Variants in CDC73 observed in about 807,000 individuals in gnomAD.
The protein encoded by CDC73 is cell division cycle 73.
Under a neutral mutation model 83.7 loss-of-function variants are expected in CDC73, and 21 were observed. The observed-to-expected ratio is 0.25, with a 90% CI of 0.18 to 0.36. The LOEUF is 0.36. Among genes scored for constraint, CDC73 ranks in the 10% least tolerant of loss-of-function variants. CDC73 has a pLI of 1.00. For missense variants in CDC73, 342 were observed against 653.3 expected (o/e 0.52, Z 5.19); for synonymous variants, 224 against 212.9 (o/e 1.05, Z -0.45).
chr1:193,217,842 A>G lies in CDC73; in HGVS notation c.1154+5365A>G, dbSNP rs569485824. ...CCCAGCACTTGCCTTCCCCCATTCC[A>G]TATCATTTAAAGGGACCATGCTCTT... On this transcript the variant is annotated intron_variant, in intron 13 of 16. Coordinates refer to ENST00000367435, the MANE Select transcript of CDC73 (RefSeq NM_024529.5). Among the ~76,000 whole-genome samples the G allele has an allele frequency of 9.2e-5, 14 of 152,182 alleles. 1 individual carries two copies. The highest frequency in any genetic ancestry group is 2.9e-4 in the African/African-American group (12 of 41,522).
chr1:193,175,373 G>A (rs6682435), intron 10 of CDC73, among the ~76,000 whole-genome samples: 3,224 of 152,246 alleles, frequency 0.021, 112 homozygotes, highest in African/African-American at 0.074. Context: ...TGGGTTAAAT[G>A]GATATGGGCA....
intron 11 of CDC73, among the ~76,000 whole-genome samples, chr1:193,207,132 T>C (rs1677201033): frequency 6.6e-6 from 1 of 152,158 alleles, no homozygotes; most frequent in Non-Finnish European, 1.5e-5. Flanking sequence ...CACATATTGG[T>C]AGGTCTGTGA....
chr1:193,198,643 G>C (rs1275259644), intron 10 of CDC73, among the ~76,000 whole-genome samples: 1 of 152,214 alleles, frequency 6.6e-6, no homozygotes, highest in Admixed American at 6.5e-5. Context: ...AAGGTATCCA[G>C]AAAATGCCAA....
chr1:193,180,528 C>G, intron 10 of CDC73: 1 of 1,613,992 alleles, frequency 6.2e-7, no homozygotes, highest in South Asian at 1.1e-5. Flanking sequence ...CAAGACAGAT[C>G]CCTACATATA....
chr1:193,232,798 G>A (rs1454714134), intron 13 of CDC73, among the ~76,000 whole-genome samples, 195 bp from the exon 14 acceptor site: 3 of 152,014 alleles, frequency 2.0e-5, no homozygotes, highest in African/African-American at 7.3e-5. Flanking sequence ...AGCAACTTGG[G>A]AGGCTGAGGC....
intron 2 of CDC73, among the ~76,000 whole-genome samples, chr1:193,129,379 G>A (rs1675649259): frequency 1.3e-5 from 2 of 151,310 alleles, no homozygotes; most frequent in East Asian, 2.0e-4. Flanking sequence ...GGATGCGCCC[G>A]CCTTGGCCTC....
In CDC73 at chr1:193,205,068, TTTTATA is replaced by T. The variant is rs1303678289; in HGVS notation, c.1030+1217_1030+1222del. On this transcript the variant is annotated intron_variant, in intron 11 of 16. Transcript: ENST00000367435. ...ATTCCTAGTAACTAAAAAGACTGATTTTTATAGATCATTTAGATACCAACCCTGTAT... is the reference window on the plus strand; with the variant it reads ...ATTCCTAGTAACTAAAAAGACTGATTGATCATTTAGATACCAACCCTGTAT... Among the ~76,000 whole-genome samples, 83 of 152,136 alleles carry T rather than the reference TTTTATA, an allele frequency of 5.5e-4. 1 individual carries two copies.
At chr1:193,133,161 A>G (rs1296331370) in intron 3 of CDC73, among the ~76,000 whole-genome samples, 1 of 152,044 alleles carries the variant, frequency 6.6e-6, no homozygotes, top group Non-Finnish European at 1.5e-5. Flanking sequence ...TCGGCCTCCC[A>G]AAGTGCTGGG....
chr1:193,139,675 T>A (rs1675869016), intron 6 of CDC73, among the ~76,000 whole-genome samples: 1 of 152,226 alleles, frequency 6.6e-6, no homozygotes, highest in African/African-American at 2.4e-5. Flanking sequence ...TAGATATTGT[T>A]ATATCTCCCC....
At chr1:193,144,112 CAAAAAA>C (rs67477778) in intron 7 of CDC73, among the ~76,000 whole-genome samples, 3 of 64,416 alleles carry the variant, frequency 4.7e-5, no homozygotes, top group Non-Finnish European at 8.4e-5. Context: ...TCTGTCTCAC[CAAAAAA>C]AAAAAAAAAA....
intron 7 of CDC73, among the ~76,000 whole-genome samples, chr1:193,143,144 A>G (rs1675935116): frequency 6.6e-6 from 1 of 152,226 alleles, no homozygotes; most frequent in African/African-American, 2.4e-5. Flanking sequence ...TGAAGAAAAG[A>G]ATCATTTCTT....
At position 193,172,250 on chromosome 1, in the gene CDC73, T is replaced by A. The variant is rs376400532; in HGVS notation, c.972+19806T>A. 2.7e-4 allele frequency among the ~76,000 whole-genome samples: 41 copies of A among 151,914 alleles called. No homozygotes were observed. In the East Asian group the frequency reaches 7.1e-3, roughly 26 times the overall value. The stretch of plus-strand genomic sequence containing the variant: ...GATTTTTGGTACCTTTTTTTTTTTT[T>A]TTTTTAAGAAAATTACTTAAAATGA... On this transcript the variant is annotated intron_variant, in intron 10 of 16. Coordinates refer to ENST00000367435, the MANE Select transcript of CDC73 (RefSeq NM_024529.5).
Position 193,190,773 on chromosome 1 carries a change from T to G in CDC73, c.973-13022T>G, listed in dbSNP as rs185943330. On this transcript the variant is annotated intron_variant, in intron 10 of 16. Transcript: ENST00000367435. ...CAAATACTTTATTATGCTTGTGTAT[T>G]CCTTGGTTTTTCTGAGGCACAGCTG... Among the ~76,000 whole-genome samples, 71 of 152,350 alleles carry G rather than the reference T, an allele frequency of 4.7e-4. No individual in the cohort carries two copies. In the East Asian group the frequency reaches 0.013, roughly 28 times the overall value.
At chr1:193,228,015 T>C (rs562568867) in intron 13 of CDC73, among the ~76,000 whole-genome samples, 1 of 152,322 alleles carries the variant, frequency 6.6e-6, no homozygotes, top group Non-Finnish European at 1.5e-5. Flanking sequence ...ACAGGATACA[T>C]TTGACAGTTG....
At chr1:193,155,144 T>C (rs940539138) in intron 10 of CDC73, among the ~76,000 whole-genome samples, 14 of 152,190 alleles carry the variant, frequency 9.2e-5, no homozygotes, top group Non-Finnish European at 1.9e-4. Context: ...TTCCTATATA[T>C]ATATGTTGTA....
At chr1:193,241,242 T>G (rs1201177277) in intron 15 of CDC73, among the ~76,000 whole-genome samples, 1 of 152,222 alleles carries the variant, frequency 6.6e-6, no homozygotes, top group East Asian at 1.9e-4. Context: ...TTCTTCATAC[T>G]GGCTGTGTAA....
chr1:193,146,029 A>T (rs1433525596), intron 7 of CDC73, among the ~76,000 whole-genome samples: 2 of 152,148 alleles, frequency 1.3e-5, no homozygotes, highest in African/African-American at 4.8e-5. Context: ...CCTAAAGAAC[A>T]AAAACTAGTG....
At chr1:193,125,307 A>C in intron 2 of CDC73, 90 bp downstream of exon 2, 1 of 799,512 alleles carries the variant, frequency 1.3e-6, no homozygotes, top group Non-Finnish European at 2.2e-6. Context: ...TGCCCGGGCT[A>C]GGGTGCAGTG....
chr1:193,198,147 G>C (rs183781476), intron 10 of CDC73, among the ~76,000 whole-genome samples: 5 of 152,176 alleles, frequency 3.3e-5, no homozygotes, highest in Non-Finnish European at 7.4e-5. Context: ...GCTGTATCAA[G>C]ATTGGAGGAG....
Sources: gnomAD v4.1 joint callset for allele counts (sites outside exome capture counted in the v4.1 genomes callset) on GRCh38, gnomAD v4.1.1 for gene constraint, MANE v1.5 for transcripts, NCBI Gene and HGNC (gene_info 2026-07-23, HGNC 2026-07-21) for gene names.